Variants in GCKR observed in about 807,000 individuals in gnomAD.
GCKR encodes the protein glucokinase regulatory protein.
Under a neutral mutation model 82.9 loss-of-function variants are expected in GCKR, and 73 were observed. The observed-to-expected ratio is 0.88, with a 90% CI of 0.73 to 1.07. The LOEUF is 1.07. Ranked by LOEUF, GCKR falls within the 50% of genes least tolerant of loss-of-function variation. The pLI is 0.00. For missense variants in GCKR, 784 were observed against 782.1 expected (o/e 1.00, Z -0.03); for synonymous variants, 294 against 291.8 (o/e 1.01, Z -0.08).
intron 16 of GCKR, among the ~76,000 whole-genome samples, chr2:27,516,759 A>G (rs144039454): frequency 6.6e-6 from 1 of 152,276 alleles, no homozygotes; most frequent in Non-Finnish European, 1.5e-5. Context: ...CCTAGATCTA[A>G]TTGACCTCTC....
At chr2:27,505,878 G>A in intron 10 of GCKR, 42 bp downstream of exon 10, 1 of 1,026,856 alleles carries the variant, frequency 9.7e-7, no homozygotes, top group South Asian at 1.3e-5. Context: ...AGTCAGGCGA[G>A]TGTGAGATGG....
chr2:27,505,673 T>C (rs1367246903), intron 9 of GCKR, 45 bp from the exon 10 acceptor site: 2 of 1,018,840 alleles, frequency 2.0e-6, no homozygotes, highest in Non-Finnish European at 3.1e-6. Flanking sequence ...GTCTACGGGG[T>C]CTTCATCCTC....
chr2:27,510,839 T>C (rs940006747), intron 16 of GCKR, among the ~76,000 whole-genome samples: 3 of 152,088 alleles, frequency 2.0e-5, no homozygotes, highest in South Asian at 4.1e-4. Context: ...TTTTTTCTTA[T>C]TTGTAAGAAG....
chr2:27,511,034 T>A (rs1250222792), intron 16 of GCKR, among the ~76,000 whole-genome samples: 1 of 151,424 alleles, frequency 6.6e-6, no homozygotes, highest in Non-Finnish European at 1.5e-5. Context: ...ATTTATTTGT[T>A]TATTTATTTG....
Position 27,508,107 on chromosome 2 carries a change from T to G in GCKR, c.1338+33T>G, listed in dbSNP as rs754284372. On this transcript the variant is annotated intron_variant, in intron 15 of 18. Coordinates refer to ENST00000264717, the MANE Select transcript of GCKR (RefSeq NM_001486.4). The stretch of plus-strand genomic sequence containing the variant: ...TCCAGCCGTGACAAAGGGACCCAGG[T>G]GGCAGTTGCAGCCAGGCCTTCCTGG... 4 of 1,588,290 alleles carry G rather than the reference T, an allele frequency of 2.5e-6. No homozygotes were observed. The South Asian group carries it at 4.4e-5, about 18-fold the overall frequency.
At chr2:27,512,980 C>G (rs1005018745) in intron 16 of GCKR, among the ~76,000 whole-genome samples, 1 of 152,126 alleles carries the variant, frequency 6.6e-6, no homozygotes, top group African/African-American at 2.4e-5. Flanking sequence ...AAGTTGTGCC[C>G]TTATCAGTGT....
In GCKR at chr2:27,517,681, C is replaced by T. The variant is rs547071147; in HGVS notation, c.1423-1107C>T. 8.5e-5 allele frequency among the ~76,000 whole-genome samples: 13 copies of T among 152,280 alleles called. No homozygotes were observed. In the East Asian group the frequency reaches 2.5e-3, roughly 29 times the overall value. On this transcript the variant is annotated intron_variant, in intron 16 of 18. Coordinates refer to ENST00000264717, the MANE Select transcript of GCKR (RefSeq NM_001486.4). ...TCCCCTCAACACCTTTACTGGGCCC[C>T]AGTTTCCCTGCTAATGTGCCAATAG...
chr2:27,504,134 C>T (rs899882531), intron 9 of GCKR, among the ~76,000 whole-genome samples: 2 of 152,194 alleles, frequency 1.3e-5, no homozygotes, highest in African/African-American at 4.8e-5. Flanking sequence ...CTTACTTGGG[C>T]CTTACGAGGG....
chr2:27,500,195 A>G (rs1669542490), intron 7 of GCKR, among the ~76,000 whole-genome samples: 1 of 152,122 alleles, frequency 6.6e-6, no homozygotes, highest in Admixed American at 6.5e-5. Flanking sequence ...GGTTCAAGCG[A>G]TTCTCCTGCC....
intron 9 of GCKR, among the ~76,000 whole-genome samples, chr2:27,505,094 C>T (rs1228939248): frequency 5.7e-5 from 8 of 140,752 alleles, no homozygotes; most frequent in Admixed American, 2.2e-4. Context: ...CCACTGCACT[C>T]CAGCCTGGGT....
chr2:27,502,500 G>T lies in GCKR; in HGVS notation c.645-1014G>T, dbSNP rs191149185. Among the ~76,000 whole-genome samples the T allele has an allele frequency of 2.0e-4, 31 of 152,164 alleles. No individual in the cohort carries two copies. The East Asian group carries it at 6.0e-3, about 29-fold the overall frequency. On this transcript the variant is annotated intron_variant, in intron 8 of 18. Coordinates refer to ENST00000264717, the MANE Select transcript of GCKR (RefSeq NM_001486.4). ...TAGGGTGGACTTGGTACCCAGAAAT[G>T]GGTAGTTATTAAAAAACAAAACTCC... is the stretch of plus-strand genomic sequence containing the variant.
intron 12 of GCKR, 127 bp downstream of exon 12, chr2:27,507,012 G>A: frequency 1.3e-6 from 1 of 787,522 alleles, no homozygotes; most frequent in Admixed American, 1.8e-5. Flanking sequence ...TATCTAAATA[G>A]GCACTTCAGT....
chr2:27,507,008 A>T, intron 12 of GCKR, 123 bp downstream of exon 12: 3 of 792,334 alleles, frequency 3.8e-6, no homozygotes, highest in Non-Finnish European at 4.6e-6. Context: ...TCCCTATCTA[A>T]ATAGGCACTT....
intron 7 of GCKR, among the ~76,000 whole-genome samples, chr2:27,499,828 G>A (rs1558433880): frequency 1.3e-5 from 2 of 152,168 alleles, no homozygotes; most frequent in Non-Finnish European, 2.9e-5. Flanking sequence ...CATGATTTCG[G>A]CTCACTGTAA....
intron 8 of GCKR, chr2:27,501,706 C>T (rs1438362490): frequency 2.1e-6 from 1 of 471,334 alleles, no homozygotes; most frequent in South Asian, 1.5e-5. Flanking sequence ...CTTTCCTCCC[C>T]CGAGGATCCT....
rs182717329 is a variant in GCKR, at chr2:27,511,978, T to C, written c.1422+3727T>C. ...AATTGGAGCCAGGTACGGTGGCTCA[T>C]GCCTGTAATCCCAGCACTTTGGGAG... On this transcript the variant is annotated intron_variant, in intron 16 of 18. Transcript: ENST00000264717. Among the ~76,000 whole-genome samples the C allele has an allele frequency of 4.7e-4, 72 of 151,716 alleles. 1 individual carries two copies. The East Asian group carries it at 0.011, about 23-fold the overall frequency.
chr2:27,504,627 C>T (rs958384857), intron 9 of GCKR, among the ~76,000 whole-genome samples: 5 of 151,554 alleles, frequency 3.3e-5, no homozygotes, highest in African/African-American at 9.7e-5. Flanking sequence ...GGATTACAGG[C>T]GTGAGCCACC....
In GCKR at chr2:27,506,485, C is replaced by T; in HGVS notation, c.874C>T (p.Leu292Phe). The change falls in exon 11 of 19, where the codon CTC (leucine) becomes TTC (phenylalanine). Residue 292 changes from leucine to phenylalanine, a missense_variant. Leu to Phe is a conservative substitution (Grantham distance 22, BLOSUM62 0). Coordinates refer to ENST00000264717, the MANE Select transcript of GCKR (RefSeq NM_001486.4). ...AGCTGGTGGCTTTTCTCCCAGATGC[C>T]TCCTGGAAATCTTGCGGACATTTGA... Reference protein sequence around the residue: ...DQGIAASQRCLLEILRTFERA... With the variant: ...DQGIAASQRCFLEILRTFERA... The T allele has an allele frequency of 3.7e-6, 6 of 1,612,334 alleles. No individual in the cohort carries two copies. Among genetic ancestry groups the T allele is most frequent in the Non-Finnish European group, 5.1e-6 (6 of 1,178,354 alleles).
intron 16 of GCKR, among the ~76,000 whole-genome samples, chr2:27,513,949 A>C (rs1669946788): frequency 7.2e-6 from 1 of 138,218 alleles, no homozygotes; most frequent in South Asian, 2.3e-4. Context: ...GTGTGTGTGT[A>C]ACAATAGTTT....
Sources: gnomAD v4.1 joint callset for allele counts (sites outside exome capture counted in the v4.1 genomes callset) on GRCh38, gnomAD v4.1.1 for gene constraint, MANE v1.5 for transcripts, NCBI Gene and HGNC (gene_info 2026-07-23, HGNC 2026-07-21) for gene names.